Variants in GFRA1 observed in about 807,000 individuals in gnomAD.
GFRA1 encodes the protein GDNF family receptor alpha-1.
Under a neutral mutation model 51.6 loss-of-function variants are expected in GFRA1, and 16 were observed. The observed-to-expected ratio is 0.31, with a 90% confidence interval of 0.21 to 0.47. The LOEUF (loss-of-function observed/expected upper bound fraction) is 0.47, where lower values mean the gene tolerates loss of function less well. Ranked by LOEUF, GFRA1 falls within the 20% of genes least tolerant of loss-of-function variation. The pLI is 1.00. For synonymous variants in GFRA1, 270 were observed against 241.3 expected (o/e 1.12, Z -1.10); for missense variants, 530 against 594.3 (o/e 0.89, Z 1.13).
At chr10:116,227,737 G>A (rs895134155) in intron 4 of GFRA1, among the ~76,000 whole-genome samples, 1 of 152,128 alleles carries the variant, frequency 6.6e-6, no homozygotes, top group Non-Finnish European at 1.5e-5. Context: ...ACACACAGTG[G>A]GTGCAGGTGG....
upstream of GFRA1, among the ~76,000 whole-genome samples, chr10:116,273,821 A>T (rs1263756229): frequency 6.6e-6 from 1 of 152,004 alleles, no homozygotes; most frequent in Non-Finnish European, 1.5e-5. Context: ...GCTGTGATTC[A>T]AGACTTGGTG....
intron 2 of GFRA1, among the ~76,000 whole-genome samples, chr10:116,271,760 T>TA (rs1401455138): frequency 1.3e-5 from 2 of 152,006 alleles, no homozygotes; most frequent in Non-Finnish European, 2.9e-5. Flanking sequence ...GTTGGGTCAT[T>TA]AAAAACCACA....
chr10:116,251,961 CTCTTTTTTTT>C (rs1245187491), intron 4 of GFRA1, among the ~76,000 whole-genome samples: 1 of 74,664 alleles, frequency 1.3e-5, no homozygotes. Flanking sequence ...AACAATAGGC[CTCTTTTTTTT>C]TTTTTTTTTT....
At chr10:116,214,662 C>A (rs1326495242) in intron 4 of GFRA1, among the ~76,000 whole-genome samples, 1 of 152,152 alleles carries the variant, frequency 6.6e-6, no homozygotes, top group African/African-American at 2.4e-5. Context: ...ATTTCCAACC[C>A]TGAAAACATT....
At chr10:116,163,575 G>A (rs1321831312) in intron 5 of GFRA1, among the ~76,000 whole-genome samples, 2 of 152,078 alleles carry the variant, frequency 1.3e-5, no homozygotes, top group Admixed American at 6.5e-5. Flanking sequence ...GCATGCCTTC[G>A]CCTTTCCCAC....
intron 7 of GFRA1, 48 bp downstream of exon 7, chr10:116,096,607 T>C (rs8192664): frequency 1.2e-4 from 122 of 989,056 alleles, no homozygotes; most frequent in Middle Eastern, 1.1e-3. Context: ...AGAACGCAGG[T>C]ATATGCAAAC....
chr10:116,113,081 T>G (rs757405167), intron 6 of GFRA1, among the ~76,000 whole-genome samples: 2 of 152,110 alleles, frequency 1.3e-5, no homozygotes, highest in African/African-American at 2.4e-5. Flanking sequence ...ATTTTCTTAG[T>G]CATACTAAGA....
intron 5 of GFRA1, among the ~76,000 whole-genome samples, chr10:116,189,507 G>A (rs780401073): frequency 4.0e-5 from 6 of 151,838 alleles, no homozygotes; most frequent in Non-Finnish European, 8.8e-5. Context: ...CTCCAAACAC[G>A]TTTCACACTT....
intron 4 of GFRA1, among the ~76,000 whole-genome samples, chr10:116,212,634 G>A (rs1965289205): frequency 1.3e-5 from 2 of 151,846 alleles, no homozygotes; most frequent in African/African-American, 4.8e-5. Flanking sequence ...CAATGGCCTG[G>A]TTTTGAATTT....
At chr10:116,252,267 A>G (rs1565681323) in intron 4 of GFRA1, among the ~76,000 whole-genome samples, 1 of 152,180 alleles carries the variant, frequency 6.6e-6, no homozygotes, top group East Asian at 1.9e-4. Context: ...CCGAATCCGC[A>G]TGAGAGCCAT....
intron 4 of GFRA1, among the ~76,000 whole-genome samples, chr10:116,253,759 G>C (rs564310202): frequency 1.1e-4 from 16 of 152,106 alleles, no homozygotes; most frequent in Non-Finnish European, 2.4e-4. Context: ...GGGTGCTTAG[G>C]CCAGAGGTAG....
intron 7 of GFRA1, among the ~76,000 whole-genome samples, chr10:116,095,888 T>G (rs2133902901): frequency 6.6e-6 from 1 of 152,216 alleles, no homozygotes; most frequent in East Asian, 1.9e-4. Context: ...CCTTCCCAAA[T>G]GCCAGTTGAG....
At chr10:116,226,497 G>T (rs34325712) in intron 4 of GFRA1, among the ~76,000 whole-genome samples, 25,106 of 152,118 alleles carry the variant, frequency 0.17, 2,780 homozygotes, top group Non-Finnish European at 0.25. Flanking sequence ...TCCCCCTTTA[G>T]CTCCGCATTT....
chr10:116,073,212 G>A (rs973578721), intron 9 of GFRA1, among the ~76,000 whole-genome samples: 1 of 152,184 alleles, frequency 6.6e-6, no homozygotes, highest in African/African-American at 2.4e-5. Context: ...CTTTGTACTT[G>A]TAATTTAACA....
intron 9 of GFRA1, among the ~76,000 whole-genome samples, chr10:116,072,747 A>G (rs1955458310): frequency 6.6e-6 from 1 of 152,090 alleles, no homozygotes; most frequent in South Asian, 2.1e-4. Flanking sequence ...GGTGACAGAG[A>G]TAGACTCCAT....
chr10:116,192,601 C>T (rs1028523199), intron 5 of GFRA1, among the ~76,000 whole-genome samples: 1 of 152,216 alleles, frequency 6.6e-6, no homozygotes, highest in African/African-American at 2.4e-5. Context: ...TTGAAAGAGG[C>T]TGCCTAGTGC....
At chr10:116,230,957 A>C (rs1253923446) in intron 4 of GFRA1, among the ~76,000 whole-genome samples, 1 of 152,170 alleles carries the variant, frequency 6.6e-6, no homozygotes, top group African/African-American at 2.4e-5. Flanking sequence ...AGAGAAGAGA[A>C]TGAGGAGGAA....
chr10:116,248,865 G>A (rs1402181290), intron 4 of GFRA1, among the ~76,000 whole-genome samples: 5 of 152,268 alleles, frequency 3.3e-5, no homozygotes, highest in Admixed American at 2.0e-4. Flanking sequence ...AATGACGACA[G>A]TGGGCTGAGA....
chr10:116,074,127 G>A (rs767653630), intron 9 of GFRA1, among the ~76,000 whole-genome samples: 2 of 152,038 alleles, frequency 1.3e-5, no homozygotes, highest in Non-Finnish European at 2.9e-5. Context: ...TACACCCATC[G>A]CTGAAACTAC....
Sources: gnomAD v4.1 joint callset for allele counts (sites outside exome capture counted in the v4.1 genomes callset) on GRCh38, gnomAD v4.1.1 for gene constraint, MANE v1.5 for transcripts, NCBI Gene and HGNC (gene_info 2026-07-23, HGNC 2026-07-21) for gene names.